MAU2: variants seen among roughly 807,000 people sequenced by gnomAD.
MAU2 encodes the protein MAU2 sister chromatid cohesion factor.
MAU2 carries 9 observed loss-of-function variants against 89.1 expected under a neutral mutation model. That is an observed-to-expected ratio of 0.10 (90% CI 0.06 to 0.18). The LOEUF (loss-of-function observed/expected upper bound fraction) is 0.18, where lower values mean the gene tolerates loss of function less well. Among genes scored for constraint, MAU2 ranks in the 10% least tolerant of loss-of-function variants. The pLI is 1.00. For missense variants in MAU2, 425 were observed against 803.5 expected, an observed-to-expected ratio of 0.53 and a Z score of 5.69; for synonymous variants, 357 against 343.4, an observed-to-expected ratio of 1.04 and a Z score of -0.44.
At chr19:19,340,743 C>G (rs901194874) in intron 5 of MAU2, 103 bp from the exon 6 acceptor site, 7 of 1,166,316 alleles carry the variant, frequency 6.0e-6, no homozygotes, top group Middle Eastern at 4.1e-4. Flanking sequence ...CTGAACTGTC[C>G]CCTGAGGTGG....
chr19:19,348,649 C>T (rs900685297), intron 13 of MAU2: 5 of 627,666 alleles, frequency 8.0e-6, no homozygotes, highest in African/African-American at 7.3e-5. Flanking sequence ...CTTCTGGACG[C>T]CCAGGCCCCT....
At chr19:19,350,074 C>G (rs1252840829) in intron 16 of MAU2, among the ~76,000 whole-genome samples, 5 of 149,308 alleles carry the variant, frequency 3.3e-5, no homozygotes, top group Non-Finnish European at 7.4e-5. Context: ...GCGGGCAGAT[C>G]ACCTGAGGTC....
chr19:19,324,619 G>A (rs968901367), intron 1 of MAU2, among the ~76,000 whole-genome samples: 3 of 152,168 alleles, frequency 2.0e-5, no homozygotes, highest in East Asian at 1.9e-4. Flanking sequence ...CAAATTGCTC[G>A]CTTTACCACT....
chr19:19,342,936 T>C, intron 9 of MAU2, 70 bp downstream of exon 9: 4 of 1,519,042 alleles, frequency 2.6e-6, no homozygotes, highest in Non-Finnish European at 9.1e-7. Flanking sequence ...AGACGCTAGC[T>C]GTACCAGGGC....
chr19:19,342,574 T>C lies in MAU2; in HGVS notation c.775T>C (p.Cys259Arg). ...VKPCLKQLQQ[C>R]IQTISTLHDD... Reference sequence around the variant, plus strand: ...GCCGTGTCTGAAGCAGCTGCAGCAGTGCATCCAGACCATCTCCACACTGCA... The same window carrying C: ...GCCGTGTCTGAAGCAGCTGCAGCAGCGCATCCAGACCATCTCCACACTGCA... The change falls in exon 8 of 19, where the codon TGC becomes CGC. Residue 259 changes from cysteine (C) to arginine (R), a missense_variant. This residue lies in a region of MAU2 where 119 missense variants were observed against 299.8 expected (regional missense o/e 0.40). Coordinates refer to ENST00000262815, the MANE Select transcript of MAU2 (RefSeq NM_015329.4). The C allele has an allele frequency of 6.2e-7, 1 of 1,609,640 alleles. No individual in the cohort carries two copies. The highest frequency in any genetic ancestry group is 1.1e-5 in the South Asian group (1 of 90,384).
intron 2 of MAU2, 117 bp downstream of exon 2, chr19:19,335,852 CAG>C: frequency 8.2e-7 from 1 of 1,220,422 alleles, no homozygotes; most frequent in Non-Finnish European, 1.2e-6. Flanking sequence ...GCTCGGCCCA[CAG>C]AGCACCTGGA....
At chr19:19,326,110 C>T (rs1192271466) in intron 1 of MAU2, among the ~76,000 whole-genome samples, 1 of 151,610 alleles carries the variant, frequency 6.6e-6, no homozygotes, top group Non-Finnish European at 1.5e-5. Flanking sequence ...AAGCGATCCT[C>T]CCACCTCAGC....
intron 5 of MAU2, chr19:19,339,578 G>A (rs1259085201): frequency 6.6e-6 from 1 of 151,590 alleles, no homozygotes; most frequent in Non-Finnish European, 1.5e-5. Context: ...GTAGAGATAG[G>A]GTCTCACCAT....
At position 19,342,601 on chromosome 19, in the gene MAU2, G is replaced by T. The variant is rs768317471; in HGVS notation, c.802G>T (p.Asp268Tyr). The part of the protein sequence containing the change: ...QCIQTISTLH[D>Y]DEILPSNPAD... The stretch of plus-strand genomic sequence containing the variant: ...CATCCAGACCATCTCCACACTGCAC[G>T]ATGATGAGATCCTGCCCAGCAACCC... Residue 268 changes from aspartate (D) to tyrosine (Y), a missense_variant, in exon 8 of 19, where the codon GAT becomes TAT. Asp to Tyr is a radical substitution (Grantham distance 160). Transcript: ENST00000262815. 6.2e-7 allele frequency: 1 copy of T among 1,612,924 alleles called. No homozygotes were observed.
In MAU2 at chr19:19,321,010, C is replaced by A; in HGVS notation, c.151C>A (p.Leu51Met). The A allele has an allele frequency of 6.2e-7, 1 of 1,611,854 alleles. No individual in the cohort carries two copies. The highest frequency in any genetic ancestry group is 8.5e-7 in the Non-Finnish European group (1 of 1,179,062). ...CAAAATCCGCCTGTGCGTGCACTGC[C>A]TGCAGGCCGTGTTCCCCTTCAAGCC... ...PPKIRLCVHCLQAVFPFKPPQ... is the reference protein window; with the variant it reads ...PPKIRLCVHCMQAVFPFKPPQ... Residue 51 changes from leucine to methionine, a missense_variant, in exon 1 of 19, where the codon CTG becomes ATG. Physicochemically the swap from Leu to Met is conservative, Grantham distance 15 (BLOSUM62 2). Around this residue, in one of 11 missense-constraint regions of MAU2, gnomAD observed 57 missense variants for 57.5 expected, o/e 0.99. Coordinates refer to ENST00000262815, the MANE Select transcript of MAU2 (RefSeq NM_015329.4).
chr19:19,353,577 C>T (rs1265262793), intron 16 of MAU2: 1 of 152,300 alleles, frequency 6.6e-6, no homozygotes, highest in African/African-American at 2.4e-5. Context: ...TCTTGGCTTC[C>T]CAAGTGCTCC....
At chr19:19,355,514 C>G in intron 18 of MAU2, 123 bp downstream of exon 18, 1 of 1,430,962 alleles carries the variant, frequency 7.0e-7, no homozygotes, top group Non-Finnish European at 9.5e-7. Context: ...TCAGGTGATC[C>G]CTTGATGGGG....
intron 1 of MAU2, among the ~76,000 whole-genome samples, chr19:19,326,372 G>A (rs1025168105): frequency 6.6e-6 from 1 of 151,624 alleles, no homozygotes; most frequent in African/African-American, 2.4e-5. Context: ...TGGCAACATA[G>A]CAAAACCCTG....
At chr19:19,331,287 CAGG>C (rs1482284442) in intron 1 of MAU2, among the ~76,000 whole-genome samples, 3 of 151,758 alleles carry the variant, frequency 2.0e-5, no homozygotes, top group Non-Finnish European at 4.4e-5. Context: ...ATAACAAGGT[CAGG>C]AGACCGAGAC....
chr19:19,336,311 G>A (rs1007692103), intron 3 of MAU2, 124 bp downstream of exon 3: 14 of 671,752 alleles, frequency 2.1e-5, no homozygotes, highest in African/African-American at 2.0e-4. Context: ...TTTTTTGGTC[G>A]GGGTGGGAGG....
At chr19:19,324,858 C>T (rs552321476) in intron 1 of MAU2, among the ~76,000 whole-genome samples, 82 of 152,298 alleles carry the variant, frequency 5.4e-4, no homozygotes, top group Middle Eastern at 3.4e-3. Context: ...CTTCCACCAA[C>T]GTTTGTGAAT....
rs750985423 is a variant in MAU2, at chr19:19,320,982, G to A, written c.123G>A (p.Pro41=). Reference sequence around the variant, plus strand: ...CTGAGCACTTCCGCACTTCCAGCCCGCCCAAAATCCGCCTGTGCGTGCACT... The same window carrying A: ...CTGAGCACTTCCGCACTTCCAGCCCACCCAAAATCCGCCTGTGCGTGCACT... ...GFAEHFRTSS[P]PKIRLCVHCL... The change falls in exon 1 of 19, where the codon CCG becomes CCA. Residue 41 remains proline (P), a synonymous_variant. Transcript: ENST00000262815. 1 of 1,607,146 alleles carries A rather than the reference G, an allele frequency of 6.2e-7. No homozygotes were observed. Among genetic ancestry groups the A allele is most frequent in the South Asian group, 1.1e-5 (1 of 89,870 alleles).
intron 16 of MAU2, among the ~76,000 whole-genome samples, chr19:19,349,831 C>T (rs957105511): frequency 2.0e-5 from 3 of 152,190 alleles, no homozygotes; most frequent in African/African-American, 7.2e-5. Flanking sequence ...TCATCCTTGG[C>T]CAACACAGTG....
chr19:19,321,412 A>G (rs1175699863), intron 1 of MAU2: 1 of 406,326 alleles, frequency 2.5e-6, no homozygotes, highest in Non-Finnish European at 4.4e-6. Context: ...TGTTATTGGG[A>G]GCAACAGGAT....
Sources: gnomAD v4.1 joint callset for allele counts (sites outside exome capture counted in the v4.1 genomes callset) on GRCh38, gnomAD v4.1.1 for gene constraint, gnomAD v4.1.1 regional missense constraint, MANE v1.5 for transcripts, NCBI Gene and HGNC (gene_info 2026-07-23, HGNC 2026-07-21) for gene names.